The following ABCD2 variants were observed in gnomAD, a reference collection of about 807,000 sequenced individuals.
The protein encoded by ABCD2 is ATP-binding cassette sub-family D member 2.
A neutral mutation model predicts 70.9 loss-of-function variants in ABCD2; 36 were observed. The observed-to-expected ratio is 0.51, with a 90% CI of 0.39 to 0.67. ABCD2 has a LOEUF of 0.67. Ranked by LOEUF, ABCD2 falls within the 30% of genes least tolerant of loss-of-function variation. The pLI is 0.00. For synonymous variants in ABCD2, 304 were observed against 306.9 expected, an observed-to-expected ratio of 0.99 and a Z score of 0.10; for missense variants, 729 against 890.2, an observed-to-expected ratio of 0.82 and a Z score of 2.30.
chr12:39,580,797 T>A (rs1941586343), intron 7 of ABCD2, among the ~76,000 whole-genome samples: 1 of 152,180 alleles, frequency 6.6e-6, no homozygotes, highest in Admixed American at 6.5e-5. Context: ...ATCTTTTTAC[T>A]TGCTCAGCTG....
intron 9 of ABCD2, among the ~76,000 whole-genome samples, chr12:39,555,348 G>C (rs2120523228): frequency 6.6e-6 from 1 of 152,244 alleles, no homozygotes; most frequent in South Asian, 2.1e-4. Context: ...ACGCACAAAG[G>C]GTGGAGGAAG....
intron 9 of ABCD2, among the ~76,000 whole-genome samples, chr12:39,566,977 T>G (rs1244874463): frequency 6.6e-6 from 1 of 152,262 alleles, no homozygotes; most frequent in Non-Finnish European, 1.5e-5. Flanking sequence ...CTAATTTGAT[T>G]GCACTGTGGT....
At chr12:39,537,137 A>AC in the ABCD2 span, among the ~76,000 whole-genome samples, 1 of 150,860 alleles carries the variant, frequency 6.6e-6, no homozygotes, top group Non-Finnish European at 1.5e-5. Flanking sequence ...AATTTCCTAG[A>AC]CCCCCTCCGC....
intron 9 of ABCD2, among the ~76,000 whole-genome samples, chr12:39,573,153 A>G (rs1941471326): frequency 1.3e-5 from 2 of 152,178 alleles, no homozygotes; most frequent in African/African-American, 4.8e-5. Context: ...ATGATGAATC[A>G]ATGGAAAAGT....
chr12:39,553,794 T>G lies in ABCD2; in HGVS notation c.*118A>C. 1.3e-6 allele frequency: 1 copy of G among 742,454 alleles called. No homozygotes were observed. Among genetic ancestry groups the G allele is most frequent in the Non-Finnish European group, 2.1e-6 (1 of 469,284 alleles). 46.0% of individuals were successfully genotyped at this position (742,454 alleles called of 1,614,324 possible). A position where few individuals can be genotyped will look rare whatever the true frequency, so the allele number is the denominator to read the frequency against. The stretch of plus-strand genomic sequence containing the variant: ...ATACTTCCTTAATGCTAAAATCTTA[T>G]AAAACATGTCTTGCTGCCTTTTTTT... On this transcript the variant is annotated 3_prime_UTR_variant, in exon 10 of 10. Coordinates refer to ENST00000308666, the MANE Select transcript of ABCD2 (RefSeq NM_005164.4).
chr12:39,544,876 C>G, the ABCD2 span, among the ~76,000 whole-genome samples: 1 of 152,136 alleles, frequency 6.6e-6, no homozygotes, highest in Non-Finnish European at 1.5e-5. Flanking sequence ...TACAGTTTTA[C>G]TACAGTGTTT....
At chr12:39,533,469 T>C in the ABCD2 span, among the ~76,000 whole-genome samples, 1 of 152,178 alleles carries the variant, frequency 6.6e-6, no homozygotes, top group African/African-American at 2.4e-5. Flanking sequence ...AAGAGATGAA[T>C]GAATTAATAG....
intron 6 of ABCD2, among the ~76,000 whole-genome samples, chr12:39,594,988 C>A (rs1566570942): frequency 1.3e-5 from 2 of 152,070 alleles, no homozygotes; most frequent in South Asian, 2.1e-4. Flanking sequence ...CCATGGTGAA[C>A]CCAGGAGGCA....
At chr12:39,577,924 A>C (rs1941541291) in intron 8 of ABCD2, among the ~76,000 whole-genome samples, 1 of 152,260 alleles carries the variant, frequency 6.6e-6, no homozygotes, top group African/African-American at 2.4e-5. Context: ...ATGAAGTTTG[A>C]CTTTTTTTCC....
chr12:39,546,373 C>G (rs1941025466), downstream of ABCD2, among the ~76,000 whole-genome samples: 1 of 152,064 alleles, frequency 6.6e-6, no homozygotes, highest in Non-Finnish European at 1.5e-5. Flanking sequence ...CAAGTGTTCC[C>G]TATCTGCCAT....
At chr12:39,561,735 A>G (rs981410681) in intron 9 of ABCD2, among the ~76,000 whole-genome samples, 1 of 152,206 alleles carries the variant, frequency 6.6e-6, no homozygotes, top group Non-Finnish European at 1.5e-5. Context: ...AGTGAACTAC[A>G]ATACGAGTAG....
At chr12:39,547,231 A>G (rs1446492296), downstream of ABCD2, among the ~76,000 whole-genome samples, 1 of 152,088 alleles carries the variant, frequency 6.6e-6, no homozygotes. Context: ...GCCCTTGTGC[A>G]CTGTTAGTAG....
downstream of ABCD2, among the ~76,000 whole-genome samples, chr12:39,547,526 C>G (rs765144390): frequency 5.9e-5 from 9 of 152,088 alleles, no homozygotes; most frequent in Non-Finnish European, 1.2e-4. Context: ...ATGGGGGAAT[C>G]TTGTGGACAT....
At chr12:39,547,273 C>T (rs1223178578), downstream of ABCD2, among the ~76,000 whole-genome samples, 1 of 152,026 alleles carries the variant, frequency 6.6e-6, no homozygotes, top group Non-Finnish European at 1.5e-5. Context: ...CTAGGAAAAA[C>T]AGGATGGAGA....
At chr12:39,595,972 A>G (rs1205657036) in intron 6 of ABCD2, among the ~76,000 whole-genome samples, 2 of 152,220 alleles carry the variant, frequency 1.3e-5, no homozygotes, top group Non-Finnish European at 2.9e-5. Context: ...ACAGTGCAGC[A>G]AACGAGTAAG....
intron 9 of ABCD2, among the ~76,000 whole-genome samples, chr12:39,568,310 A>C (rs1323752564): frequency 6.6e-6 from 1 of 152,162 alleles, no homozygotes; most frequent in Non-Finnish European, 1.5e-5. Context: ...TATTTCTTGG[A>C]GGCTTTGTTC....
intron 5 of ABCD2, among the ~76,000 whole-genome samples, chr12:39,602,617 A>G (rs2120720320): frequency 6.6e-6 from 1 of 152,300 alleles, no homozygotes; most frequent in South Asian, 2.1e-4. Flanking sequence ...AATAATTATG[A>G]AGAAAGTATA....
At chr12:39,563,157 T>C (rs776699801) in intron 9 of ABCD2, among the ~76,000 whole-genome samples, 2 of 152,154 alleles carry the variant, frequency 1.3e-5, no homozygotes, top group Non-Finnish European at 2.9e-5. Flanking sequence ...AGGAGGAACA[T>C]AGCTCAACAA....
intron 9 of ABCD2, among the ~76,000 whole-genome samples, chr12:39,565,712 T>A (rs1470944097): frequency 2.6e-5 from 4 of 152,220 alleles, no homozygotes; most frequent in Non-Finnish European, 5.9e-5. Context: ...GTGCCAGTTT[T>A]CAAAGGGAAT....
Sources: allele counts gnomAD v4.1 joint callset (sites outside exome capture counted in the v4.1 genomes callset), GRCh38; gene constraint gnomAD v4.1.1; transcripts MANE v1.5; gene names NCBI Gene and HGNC (gene_info 2026-07-23, HGNC 2026-07-21).